The following MMAA variants were observed in gnomAD, a reference collection of about 807,000 sequenced individuals.
MMAA encodes methylmalonic aciduria type A protein, mitochondrial.
Under a neutral mutation model 45.0 loss-of-function variants are expected in MMAA, and 41 were observed. The ratio of observed to expected loss-of-function variants is 0.91; its 90% CI spans 0.71 to 1.18. The LOEUF (loss-of-function observed/expected upper bound fraction) is 1.18. Ranked by LOEUF, MMAA falls within the 50% of genes most tolerant of loss-of-function variation. MMAA has a pLI of 0.00. For synonymous variants in MMAA, 154 were observed against 178.2 expected (o/e 0.86, Z 1.08); for missense variants, 460 against 495.7 (o/e 0.93, Z 0.68).
chr4:145,630,617 A>C (rs1232892395), intron 1 of MMAA, among the ~76,000 whole-genome samples: 4 of 152,186 alleles, frequency 2.6e-5, no homozygotes, highest in Admixed American at 1.3e-4. Flanking sequence ...AATCCCAGCT[A>C]CTTGGGGGGC....
intron 4 of MMAA, 48 bp from the exon 5 acceptor site, chr4:145,651,014 C>T: frequency 6.5e-7 from 1 of 1,534,740 alleles, no homozygotes; most frequent in East Asian, 2.2e-5. Context: ...TTGAGAAAGT[C>T]AAATAATGGT....
At chr4:145,633,200 T>TC (rs1035044186) in intron 1 of MMAA, among the ~76,000 whole-genome samples, 2 of 143,414 alleles carry the variant, frequency 1.4e-5, no homozygotes, top group African/African-American at 5.3e-5. Context: ...CTTTTTCTTT[T>TC]TTTTTTTTTT....
chr4:145,639,204 G>A lies in MMAA; in HGVS notation c.65G>A (p.Arg22Gln), dbSNP rs375682603. The change falls in exon 2 of 7, where the codon CGA becomes CAA. Residue 22 changes from arginine to glutamine, a missense_variant. Physicochemically the swap from Arg to Gln is conservative, Grantham distance 43. Transcript: ENST00000649156. ...AAAGGCCTTTTAAGAGCACCTTTCC[G>A]ATGTTACCACTTCATCTTTCACTCA... ...FLKGLLRAPF[R>Q]CYHFIFHSST... 2.6e-5 allele frequency: 42 copies of A among 1,613,948 alleles called. No individual in the cohort carries two copies. The highest frequency in any genetic ancestry group is 1.6e-4 in the Middle Eastern group (1 of 6,084).
intron 3 of MMAA, chr4:145,642,876 A>G (rs189576113): frequency 3.9e-6 from 1 of 259,488 alleles, no homozygotes; most frequent in Admixed American, 4.9e-5. Flanking sequence ...TTTTCCTCAT[A>G]ATGTTTTAAC....
chr4:145,643,030 G>A (rs1169636606), intron 3 of MMAA, among the ~76,000 whole-genome samples: 4 of 152,122 alleles, frequency 2.6e-5, no homozygotes, highest in African/African-American at 7.2e-5. Flanking sequence ...TACATTGTAC[G>A]TTGCACAGAA....
intron 1 of MMAA, among the ~76,000 whole-genome samples, chr4:145,623,858 C>G (rs150036464): frequency 2.5e-3 from 373 of 152,232 alleles, no homozygotes; most frequent in African/African-American, 8.5e-3. Context: ...ATCTAAGGAG[C>G]CTTGGAGGCT....
At chr4:145,652,704 T>C (rs1234657073) in intron 5 of MMAA, among the ~76,000 whole-genome samples, 1 of 151,760 alleles carries the variant, frequency 6.6e-6, no homozygotes, top group Non-Finnish European at 1.5e-5. Flanking sequence ...CACTCCAGCC[T>C]AGGTGACAGA....
At chr4:145,627,244 T>C (rs1578870015) in intron 1 of MMAA, among the ~76,000 whole-genome samples, 1 of 152,236 alleles carries the variant, frequency 6.6e-6, no homozygotes, top group African/African-American at 2.4e-5. Context: ...GTAGTAAAGC[T>C]TTTGTTACTA....
rs367609164 is a variant in MMAA at position 145,646,124 on chromosome 4, C to T, written c.701C>T (p.Ala234Val). ...TNEAILLCEGAGYDIILIETV... is the reference protein window; with the variant it reads ...TNEAILLCEGVGYDIILIETV... ...GAAGCTATTCTGTTGTGTGAAGGAG[C>T]GGGATATGACATAATTCTTATTGAA... Residue 234 changes from alanine to valine, a missense_variant, in exon 4 of 7, where the codon GCG (alanine) becomes GTG (valine). Physicochemically the swap from Ala to Val is moderately conservative, Grantham distance 64. Transcript: ENST00000649156. The T allele has an allele frequency of 1.4e-5, 23 of 1,613,832 alleles. No homozygotes were observed. The African/African-American group carries it at 2.3e-4, about 16-fold the overall frequency.
At position 145,657,562 on chromosome 4, in the gene MMAA, C is replaced by G. The variant is rs1203855884; in HGVS notation, c.*2128C>G. ...TCTCTATGTGCAGTAGTTTCTTTAT[C>G]TGTAAAATTAAGATAATAGCTACTT... On this transcript the variant is annotated 3_prime_UTR_variant, in exon 7 of 7. Transcript: ENST00000649156. 6.6e-6 allele frequency: 1 copy of G among 152,060 alleles called. No homozygotes were observed. The highest frequency in any genetic ancestry group is 1.9e-4 in the East Asian group (1 of 5,188). 9.4% of individuals were successfully genotyped at this position (152,060 alleles called of 1,614,324 possible).
chr4:145,644,830 C>T (rs939208997), intron 3 of MMAA, among the ~76,000 whole-genome samples: 1 of 152,128 alleles, frequency 6.6e-6, no homozygotes, highest in Non-Finnish European at 1.5e-5. Context: ...GGTGGCTGTC[C>T]TGTGCATTGA....
intron 3 of MMAA, among the ~76,000 whole-genome samples, chr4:145,644,230 G>T (rs1396452518): frequency 2.0e-5 from 3 of 152,168 alleles, no homozygotes; most frequent in African/African-American, 7.2e-5. Flanking sequence ...AGTGTGATGG[G>T]ATCTATAGGA....
chr4:145,627,727 G>A lies in MMAA; in HGVS notation c.-66+8320G>A, dbSNP rs1252353905. On this transcript the variant is annotated intron_variant, in intron 1 of 6. Coordinates refer to ENST00000649156, the MANE Select transcript of MMAA (RefSeq NM_172250.3). The stretch of plus-strand genomic sequence containing the variant: ...GAGGAGGTGCTATTTGAACTGAGTA[G>A]GCATTTGTCAGCAAAAATGTGAACG... 2.6e-5 allele frequency among the ~76,000 whole-genome samples: 4 copies of A among 152,056 alleles called. No individual in the cohort carries two copies. The East Asian group carries it at 7.7e-4, about 29-fold the overall frequency.
chr4:145,643,466 GGTTTAA>G (rs1727842977), intron 3 of MMAA, among the ~76,000 whole-genome samples: 1 of 152,012 alleles, frequency 6.6e-6, no homozygotes, highest in South Asian at 2.1e-4. Flanking sequence ...TTATAATGTG[GGTTTAA>G]TACTAAGTAT....
At chr4:145,624,343 A>G (rs538640796) in intron 1 of MMAA, 2 of 786,746 alleles carry the variant, frequency 2.5e-6, no homozygotes, top group African/African-American at 1.7e-5. Flanking sequence ...TCTTCTCCAG[A>G]GGATAGCTGG....
chr4:145,631,667 A>C lies in MMAA; in HGVS notation c.-65-7408A>C, dbSNP rs188589313. On this transcript the variant is annotated intron_variant, in intron 1 of 6. Transcript: ENST00000649156. ...ACATTGAATGTTATTATTAATAAGT[A>C]AACACTTATTCTTGCCATTTTGTTA... Among the ~76,000 whole-genome samples the C allele has an allele frequency of 1.3e-3, 196 of 152,254 alleles. 1 individual carries two copies. The highest frequency in any genetic ancestry group is 4.1e-3 in the African/African-American group (172 of 41,550).
chr4:145,620,099 TAGAA>T (rs1409027974), intron 1 of MMAA, among the ~76,000 whole-genome samples: 1 of 152,222 alleles, frequency 6.6e-6, no homozygotes, highest in Non-Finnish European at 1.5e-5. Flanking sequence ...TCCAACTTGG[TAGAA>T]AGCCAAAAGT....
intron 1 of MMAA, among the ~76,000 whole-genome samples, 186 bp from the exon 2 acceptor site, chr4:145,638,889 C>G (rs1045887336): frequency 2.0e-5 from 3 of 152,154 alleles, no homozygotes; most frequent in African/African-American, 7.2e-5. Context: ...TGAATATTAA[C>G]TGTGGCCATG....
chr4:145,648,081 G>A (rs1193917240), intron 4 of MMAA, among the ~76,000 whole-genome samples: 3 of 146,808 alleles, frequency 2.0e-5, no homozygotes, highest in African/African-American at 5.1e-5. Context: ...GGATGGTCTC[G>A]AACTCCTGAC....
Sources: allele counts gnomAD v4.1 joint callset (sites outside exome capture counted in the v4.1 genomes callset), GRCh38; gene constraint gnomAD v4.1.1; transcripts MANE v1.5; gene names NCBI Gene and HGNC (gene_info 2026-07-23, HGNC 2026-07-21).